The following NUP98 variants were observed in gnomAD, a reference collection of about 807,000 sequenced individuals.
NUP98 encodes the protein nuclear pore complex protein Nup98-Nup96.
NUP98 carries 26 observed loss-of-function variants against 191.9 expected under a neutral mutation model. That is an observed-to-expected ratio of 0.14 (90% confidence interval 0.10 to 0.19). The LOEUF (loss-of-function observed/expected upper bound fraction) is 0.19, where lower values mean the gene tolerates loss of function less well. NUP98 is among the 10% of genes least tolerant of loss of function. NUP98 has a pLI of 1.00. For synonymous variants in NUP98, 808 were observed against 778.4 expected (o/e 1.04, Z -0.63); for missense variants, 1,941 against 2,178.8 (o/e 0.89, Z 2.17).
intron 1 of NUP98, among the ~76,000 whole-genome samples, chr11:3,783,996 C>T (rs2082059106): frequency 6.6e-6 from 1 of 152,146 alleles, no homozygotes; most frequent in Non-Finnish European, 1.5e-5. Context: ...TTTCTGCTAG[C>T]AGACAATAAA....
rs956523888 is a variant in NUP98 at position 3,681,885 on chromosome 11, C to A, written c.4918+1315G>T. Among the ~76,000 whole-genome samples the A allele has an allele frequency of 2.6e-5, 4 of 152,156 alleles. No homozygotes were observed. The East Asian group carries it at 7.7e-4, about 29-fold the overall frequency. On this transcript the variant is annotated intron_variant, in intron 30 of 32. Coordinates refer to ENST00000324932, the MANE Select transcript of NUP98 (RefSeq NM_016320.5). The stretch of plus-strand genomic sequence containing the variant: ...ACTTCTCTTCTCTAGCTATGAAAGT[C>A]CTTGGTGGCATCTTCTTTCAATAGA...
intron 12 of NUP98, among the ~76,000 whole-genome samples, chr11:3,740,921 C>A (rs766787545): frequency 6.0e-4 from 91 of 151,568 alleles, no homozygotes; most frequent in Non-Finnish European, 1.1e-3. Flanking sequence ...CAGGTTCAAG[C>A]GATTCTCCCG....
At chr11:3,714,752 AT>A (rs1342754417) in intron 18 of NUP98, 2 of 152,582 alleles carry the variant, frequency 1.3e-5, no homozygotes, top group Admixed American at 6.5e-5. Flanking sequence ...AATAACATAT[AT>A]TTTTTAATTT....
At chr11:3,717,604 CAAGAT>C (rs2079231920) in intron 18 of NUP98, among the ~76,000 whole-genome samples, 1 of 152,132 alleles carries the variant, frequency 6.6e-6, no homozygotes, top group Non-Finnish European at 1.5e-5. Flanking sequence ...GATTTCTACA[CAAGAT>C]GTCATCAAAG....
intron 20 of NUP98, among the ~76,000 whole-genome samples, chr11:3,709,272 G>A (rs1312640430): frequency 1.3e-5 from 2 of 152,122 alleles, no homozygotes; most frequent in African/African-American, 2.4e-5. Context: ...GCTGGACGTG[G>A]TGGCTTATAC....
chr11:3,757,605 A>T (rs2081015942), intron 10 of NUP98, among the ~76,000 whole-genome samples: 1 of 151,616 alleles, frequency 6.6e-6, no homozygotes, highest in African/African-American at 2.4e-5. Flanking sequence ...TCCAGACTAG[A>T]CTGGCCAACA....
chr11:3,698,725 CAA>C (rs549214359), intron 25 of NUP98, among the ~76,000 whole-genome samples: 5,304 of 35,154 alleles, frequency 0.15, 73 homozygotes, highest in Non-Finnish European at 0.19. Context: ...GAAACTGTCT[CAA>C]AAAAAAAAAA....
At position 3,675,465 on chromosome 11, in the gene NUP98, C is replaced by A; in HGVS notation, c.*694G>T. ...ACCAAACCAAACTCTGGGAGCTTCC[C>A]ACAGACATGTCACATGTGACCAAGG... On this transcript the variant is annotated 3_prime_UTR_variant, in exon 33 of 33. Coordinates refer to ENST00000324932, the MANE Select transcript of NUP98 (RefSeq NM_016320.5). 1 of 227,984 alleles carries A rather than the reference C, an allele frequency of 4.4e-6. No individual in the cohort carries two copies. The highest frequency in any genetic ancestry group is 8.7e-6 in the Non-Finnish European group (1 of 114,766). 14.1% of individuals were successfully genotyped at this position (227,984 alleles called of 1,614,324 possible). A position where few individuals can be genotyped will look rare whatever the true frequency, so the allele number is the denominator to read the frequency against.
At chr11:3,701,514 G>A (rs2078677516) in intron 23 of NUP98, among the ~76,000 whole-genome samples, 2 of 151,852 alleles carry the variant, frequency 1.3e-5, no homozygotes, top group African/African-American at 4.8e-5. Context: ...CTCCCAAAGT[G>A]CTGGGATGAC....
At chr11:3,753,008 T>C (rs537183593) in intron 11 of NUP98, among the ~76,000 whole-genome samples, 3 of 152,250 alleles carry the variant, frequency 2.0e-5, no homozygotes, top group Non-Finnish European at 2.9e-5. Flanking sequence ...GTTACAAAAG[T>C]AACATGGGGA....
chr11:3,772,081 C>T (rs891363868), intron 6 of NUP98, among the ~76,000 whole-genome samples, 153 bp from the exon 7 acceptor site: 1 of 152,070 alleles, frequency 6.6e-6, no homozygotes, highest in Non-Finnish European at 1.5e-5. Context: ...TATATCATTA[C>T]AGAAAAACAT....
At chr11:3,772,574 T>A (rs1337633121) in intron 6 of NUP98, among the ~76,000 whole-genome samples, 1 of 152,132 alleles carries the variant, frequency 6.6e-6, no homozygotes, top group Non-Finnish European at 1.5e-5. Flanking sequence ...TCCCAGCACT[T>A]TGGGAGGCTG....
chr11:3,742,753 G>A (rs1193874671), intron 12 of NUP98, among the ~76,000 whole-genome samples: 1 of 150,034 alleles, frequency 6.7e-6, no homozygotes, highest in Non-Finnish European at 1.5e-5. Flanking sequence ...TAAAAACATA[G>A]GGAAAGGTAC....
intron 18 of NUP98, among the ~76,000 whole-genome samples, chr11:3,718,988 C>T (rs1449443947): frequency 6.6e-6 from 1 of 151,818 alleles, no homozygotes; most frequent in African/African-American, 2.4e-5. Flanking sequence ...GGCATGGTGG[C>T]GGGCGCCTAC....
chr11:3,743,877 C>T (rs1196526870), intron 12 of NUP98, among the ~76,000 whole-genome samples: 1 of 151,232 alleles, frequency 6.6e-6, no homozygotes, highest in African/African-American at 2.4e-5. Context: ...CATGGTGAAA[C>T]CCTGTCTCTG....
At chr11:3,779,863 C>A (rs748748854) in intron 2 of NUP98, among the ~76,000 whole-genome samples, 2 of 151,848 alleles carry the variant, frequency 1.3e-5, no homozygotes, top group Non-Finnish European at 2.9e-5. Flanking sequence ...CACGGTGGCT[C>A]ACACCTGTAA....
intron 11 of NUP98, among the ~76,000 whole-genome samples, chr11:3,751,130 G>A (rs1017740042): frequency 4.6e-5 from 7 of 152,134 alleles, no homozygotes; most frequent in Middle Eastern, 3.4e-3. Flanking sequence ...AGGCCGAGGC[G>A]GGCAGATCAC....
chr11:3,768,680 G>A lies in NUP98; in HGVS notation c.849C>T (p.Ser283=). The A allele has an allele frequency of 2.5e-6, 4 of 1,609,244 alleles. No individual in the cohort carries two copies. Among genetic ancestry groups the A allele is most frequent in the Non-Finnish European group, 3.4e-6 (4 of 1,177,166 alleles). Residue 283 remains serine, a synonymous_variant, in exon 8 of 33, where the codon AGC becomes AGT. Transcript: ENST00000324932. ...CCTGGCCAAATGGTTTGCTGAAGAG[G>A]CTGGTAGTCTGCTGATTCTGTTGGC... ...LFGQQNQQTT[S]LFSKPFGQAT...
chr11:3,748,578 G>A (rs2080599785), intron 11 of NUP98, among the ~76,000 whole-genome samples: 1 of 151,880 alleles, frequency 6.6e-6, no homozygotes, highest in Non-Finnish European at 1.5e-5. Flanking sequence ...GCTGAGGCAG[G>A]CAGATCACCT....
Sources: allele counts gnomAD v4.1 joint callset (sites outside exome capture counted in the v4.1 genomes callset), GRCh38; gene constraint gnomAD v4.1.1; transcripts MANE v1.5; gene names NCBI Gene and HGNC (gene_info 2026-07-23, HGNC 2026-07-21).